PPP4R1: variants seen among roughly 807,000 people sequenced by gnomAD.
PPP4R1 encodes the protein protein phosphatase 4 regulatory subunit 1.
In PPP4R1, 42 loss-of-function variants were observed where a neutral mutation model predicts 111.2. That is an observed-to-expected ratio of 0.38 (90% confidence interval 0.29 to 0.49). PPP4R1 has a LOEUF of 0.49. Among genes scored for constraint, PPP4R1 ranks in the 20% least tolerant of loss-of-function variants. PPP4R1 has a pLI of 0.97. For synonymous variants in PPP4R1, 409 were observed against 405.5 expected, an observed-to-expected ratio of 1.01 and a Z score of -0.10; for missense variants, 1,012 against 1,161.6, an observed-to-expected ratio of 0.87 and a Z score of 1.87.
At chr18:9,587,012 T>C (rs913814245) in intron 6 of PPP4R1, among the ~76,000 whole-genome samples, 2 of 152,216 alleles carry the variant, frequency 1.3e-5, no homozygotes, top group Admixed American at 6.5e-5. Flanking sequence ...TAACCATCAC[T>C]GATGTCATAT....
At position 9,588,759 on chromosome 18, in the gene PPP4R1, T is replaced by G; in HGVS notation, c.390A>C (p.Lys130Asn). The change falls in exon 5 of 20, where the codon AAA becomes AAC. Residue 130 changes from lysine to asparagine, a missense_variant. By Grantham distance (94) the Lys-to-Asn change is moderately conservative. Around this residue, in one of 2 missense-constraint regions of PPP4R1, gnomAD observed 707 missense variants for 742.1 expected, o/e 0.95. Transcript: ENST00000400556. ...ATCTAACCACAATAGGTAGTAAGAA[T>G]TTTGAAAAAGCATATGGTATTGAAG... Reference protein sequence around the residue: ...NRPSIPYAFSKFLLPIVVRYL... With the variant: ...NRPSIPYAFSNFLLPIVVRYL... 6.2e-7 allele frequency: 1 copy of G among 1,613,862 alleles called. No homozygotes were observed. Among genetic ancestry groups the G allele is most frequent in the South Asian group, 1.1e-5 (1 of 91,064 alleles).
In PPP4R1 at chr18:9,592,765, C is replaced by A. The variant is rs542518995; in HGVS notation, c.295+1003G>T. ...TATCTGTCTCTACTAAAGAACATAA[C>A]CATAATAGGCTATAACAGTGCCATG... On this transcript the variant is annotated intron_variant, in intron 4 of 19. Transcript: ENST00000400556. Among the ~76,000 whole-genome samples the A allele has an allele frequency of 6.8e-4, 102 of 150,856 alleles. 1 individual carries two copies. In the Middle Eastern group the frequency reaches 0.014, roughly 20 times the overall value.
chr18:9,593,867 C>T lies in PPP4R1; in HGVS notation c.196G>A (p.Val66Met), dbSNP rs2067250445. Residue 66 changes from valine to methionine, a missense_variant, in exon 4 of 20, where the codon GTG becomes ATG. Around this residue, in one of 2 missense-constraint regions of PPP4R1, gnomAD observed 707 missense variants for 742.1 expected, o/e 0.95. Coordinates refer to ENST00000400556, the MANE Select transcript of PPP4R1 (RefSeq NM_001042388.3). ...AAGGTATCGAGCAAACTCCGGGCCACCATTTGTCTACACAAAAAAAACAAA... is the reference window on the plus strand; with the variant it reads ...AAGGTATCGAGCAAACTCCGGGCCATCATTTGTCTACACAAAAAAAACAAA... Reference protein sequence around the residue: ...ASENIFNRQMVARSLLDTLRE... With the variant: ...ASENIFNRQMMARSLLDTLRE... 1.2e-6 allele frequency: 2 copies of T among 1,613,154 alleles called. No homozygotes were observed.
At chr18:9,594,915 C>T (rs1228257858) in intron 3 of PPP4R1, 103 bp downstream of exon 3, 1 of 1,357,808 alleles carries the variant, frequency 7.4e-7, no homozygotes, top group African/African-American at 1.5e-5. Context: ...CAGATTGTGC[C>T]TGTTAATAAT....
At chr18:9,567,479 C>T (rs1322271486) in intron 11 of PPP4R1, among the ~76,000 whole-genome samples, 1 of 152,140 alleles carries the variant, frequency 6.6e-6, no homozygotes, top group East Asian at 1.9e-4. Flanking sequence ...TCCTCCTGTC[C>T]TCAGTTGGGA....
Position 9,594,801 on chromosome 18 carries a change from A to AT in PPP4R1, c.188+216_188+217insA, listed in dbSNP as rs199565787. 11 of 430,042 alleles carry AT rather than the reference A, an allele frequency of 2.6e-5. No individual in the cohort carries two copies. In the East Asian group the frequency reaches 3.8e-4, roughly 15 times the overall value. The allele number at this position is 430,042 out of a possible 1,614,324, so 26.6% of individuals were successfully genotyped here. A position where few individuals can be genotyped will look rare whatever the true frequency, so the allele number is the denominator to read the frequency against. The stretch of plus-strand genomic sequence containing the variant: ...CAGAAAAGCAATGGTAATTAATGGT[A>AT]ATTTTTTTTTTTGCAAAGAAAGCAT... On this transcript the variant is annotated intron_variant, in intron 3 of 19. Coordinates refer to ENST00000400556, the MANE Select transcript of PPP4R1 (RefSeq NM_001042388.3).
intron 4 of PPP4R1, among the ~76,000 whole-genome samples, chr18:9,592,490 A>T (rs1324924882): frequency 6.6e-6 from 1 of 152,192 alleles, no homozygotes; most frequent in Non-Finnish European, 1.5e-5. Flanking sequence ...CATTCACTAA[A>T]CTGTTAACTT....
chr18:9,559,794 CAT>C (rs2066644152), intron 13 of PPP4R1, among the ~76,000 whole-genome samples, 190 bp from the exon 14 acceptor site: 1 of 151,338 alleles, frequency 6.6e-6, no homozygotes. Context: ...CTAAGGGAAA[CAT>C]ATATGAACAA....
intron 10 of PPP4R1, 79 bp from the exon 11 acceptor site, chr18:9,570,762 T>C: frequency 7.1e-7 from 1 of 1,408,268 alleles, no homozygotes; most frequent in Non-Finnish European, 9.4e-7. Context: ...AGATATTACA[T>C]ATAGCATTTA....
intron 8 of PPP4R1, among the ~76,000 whole-genome samples, chr18:9,584,297 C>G (rs1242368204): frequency 6.6e-6 from 1 of 152,050 alleles, no homozygotes; most frequent in East Asian, 1.9e-4. Context: ...GAAAACAGAT[C>G]AATGGTTCTG....
chr18:9,597,144 C>T (rs561815994), intron 2 of PPP4R1, among the ~76,000 whole-genome samples: 2 of 152,136 alleles, frequency 1.3e-5, no homozygotes, highest in South Asian at 2.1e-4. Context: ...AGACCCCCAT[C>T]TCTTAAAAAA....
intron 4 of PPP4R1, among the ~76,000 whole-genome samples, chr18:9,591,245 G>A (rs929542516): frequency 1.3e-5 from 2 of 151,804 alleles, no homozygotes; most frequent in African/African-American, 4.8e-5. Context: ...CACTCGAGAG[G>A]CTGAGGCAGA....
upstream of PPP4R1, chr18:9,615,173 CAA>C (rs2067673835): frequency 6.6e-6 from 1 of 152,292 alleles, no homozygotes. Context: ...GGTTGACTGA[CAA>C]AGTCATGCCT....
intron 15 of PPP4R1, among the ~76,000 whole-genome samples, chr18:9,554,303 A>G (rs2066535314): frequency 6.6e-6 from 1 of 151,692 alleles, no homozygotes; most frequent in Non-Finnish European, 1.5e-5. Flanking sequence ...AATTTTTTGT[A>G]TCTTTAGTAG....
intron 16 of PPP4R1, among the ~76,000 whole-genome samples, chr18:9,552,446 T>C (rs549902331): frequency 1.4e-4 from 21 of 152,332 alleles, no homozygotes; most frequent in African/African-American, 5.0e-4. Context: ...TGCAACATCA[T>C]TACATACCTC....
intron 3 of PPP4R1, chr18:9,594,158 G>A (rs989561242): frequency 9.2e-5 from 19 of 206,570 alleles, no homozygotes; most frequent in African/African-American, 2.7e-4. Context: ...TCAAACTCCC[G>A]GGCTCAAGCA....
chr18:9,573,453 T>C (rs1345757128), intron 10 of PPP4R1, among the ~76,000 whole-genome samples: 1 of 152,230 alleles, frequency 6.6e-6, no homozygotes, highest in East Asian at 1.9e-4. Flanking sequence ...CTTTGTGATA[T>C]CCTTGCAAAA....
intron 10 of PPP4R1, among the ~76,000 whole-genome samples, chr18:9,574,544 A>C (rs974826572): frequency 6.6e-6 from 1 of 152,216 alleles, no homozygotes; most frequent in Admixed American, 6.5e-5. Flanking sequence ...AAAGTGGTTT[A>C]GTTACTTCAG....
intron 15 of PPP4R1, among the ~76,000 whole-genome samples, chr18:9,554,835 C>T (rs2066545428): frequency 6.6e-6 from 1 of 152,332 alleles, no homozygotes; most frequent in Non-Finnish European, 1.5e-5. Flanking sequence ...CAAGAGGCAG[C>T]TTTAAGGGGT....
Sources: gnomAD v4.1 joint callset for allele counts (sites outside exome capture counted in the v4.1 genomes callset) on GRCh38, gnomAD v4.1.1 for gene constraint, gnomAD v4.1.1 regional missense constraint, MANE v1.5 for transcripts, NCBI Gene and HGNC (gene_info 2026-07-23, HGNC 2026-07-21) for gene names.